The following DGKI variants were observed in gnomAD, a reference collection of about 807,000 sequenced individuals.
The protein encoded by DGKI is diacylglycerol kinase iota, also known as DAG kinase iota.
A neutral mutation model predicts 147.5 loss-of-function variants in DGKI; 55 were observed. The observed-to-expected ratio is 0.37, with a 90% CI of 0.30 to 0.47. DGKI has a LOEUF of 0.47. DGKI is among the 20% of genes least tolerant of loss of function. The pLI is 1.00. For missense variants in DGKI, 1,007 were observed against 1,323.8 expected, an observed-to-expected ratio of 0.76 and a Z score of 3.71; for synonymous variants, 469 against 477.1, an observed-to-expected ratio of 0.98 and a Z score of 0.22.
chr7:137,591,454 A>G (rs1819613199), intron 12 of DGKI, among the ~76,000 whole-genome samples: 1 of 152,090 alleles, frequency 6.6e-6, no homozygotes, highest in South Asian at 2.1e-4. Context: ...AGGTGGGTCT[A>G]TATCGCCCCT....
chr7:137,503,936 G>A (rs1334637769), intron 21 of DGKI, among the ~76,000 whole-genome samples: 1 of 152,108 alleles, frequency 6.6e-6, no homozygotes, highest in African/African-American at 2.4e-5. Flanking sequence ...CAGACTATAT[G>A]TGAGAACATT....
At chr7:137,811,471 T>C (rs1156577928) in intron 1 of DGKI, among the ~76,000 whole-genome samples, 1 of 150,730 alleles carries the variant, frequency 6.6e-6, no homozygotes, top group Non-Finnish European at 1.5e-5. Flanking sequence ...TTTTCTGACC[T>C]CAGGAGACAA....
chr7:137,492,269 A>G (rs1389032209), intron 21 of DGKI, among the ~76,000 whole-genome samples: 1 of 152,242 alleles, frequency 6.6e-6, no homozygotes, highest in Non-Finnish European at 1.5e-5. Context: ...CAAAGATCAA[A>G]ATAAACAGGA....
At chr7:137,711,594 G>A (rs1794214937) in intron 1 of DGKI, among the ~76,000 whole-genome samples, 1 of 150,984 alleles carries the variant, frequency 6.6e-6, no homozygotes, top group Admixed American at 6.6e-5. Flanking sequence ...GAGGGGAAGA[G>A]CACAGAATTT....
chr7:137,450,167 T>C (rs951733363), intron 27 of DGKI, among the ~76,000 whole-genome samples: 1 of 152,094 alleles, frequency 6.6e-6, no homozygotes, highest in Non-Finnish European at 1.5e-5. Context: ...CTCTTCAAAG[T>C]AGACAAAGTT....
intron 28 of DGKI, among the ~76,000 whole-genome samples, chr7:137,439,021 T>C (rs897074416): frequency 3.3e-5 from 5 of 152,152 alleles, no homozygotes; most frequent in African/African-American, 9.7e-5. Flanking sequence ...ATAGTAGTTA[T>C]TTCTGAAGGA....
At chr7:137,774,937 G>C (rs1796319957) in intron 1 of DGKI, 1 of 152,198 alleles carries the variant, frequency 6.6e-6, no homozygotes. Flanking sequence ...TTTCTGAAAA[G>C]ACATGAAAAT....
intron 1 of DGKI, among the ~76,000 whole-genome samples, chr7:137,718,081 C>A (rs1367740932): frequency 6.6e-6 from 1 of 152,078 alleles, no homozygotes; most frequent in Non-Finnish European, 1.5e-5. Context: ...TGGTGCTGCC[C>A]ACTCACAGCA....
chr7:137,817,954 C>T (rs1490425764), intron 1 of DGKI, among the ~76,000 whole-genome samples: 2 of 152,206 alleles, frequency 1.3e-5, no homozygotes, highest in Non-Finnish European at 2.9e-5. Flanking sequence ...ACAACCAGTA[C>T]CAGTTGCTCC....
Position 137,846,209 on chromosome 7 carries a change from A to C in DGKI, c.401+253T>G, listed in dbSNP as rs142710455. 7.0e-6 allele frequency among the ~76,000 whole-genome samples: 1 copy of C among 143,738 alleles called. No individual in the cohort carries two copies. The highest frequency in any genetic ancestry group is 1.5e-5 in the Non-Finnish European group (1 of 66,034). The allele number at this position is 143,738 out of a possible 152,430, so 94.3% of individuals were successfully genotyped here. A position where few individuals can be genotyped will look rare whatever the true frequency, so the allele number is the denominator to read the frequency against. On this transcript the variant is annotated intron_variant, in intron 1 of 32. Coordinates refer to ENST00000614521, the MANE Select transcript of DGKI (RefSeq NM_001321708.2). This position sits in a 1 kb window ranked among gnomAD's most constrained non-coding sequence, Gnocchi z 4.0. ...CACACACACACACACACACAGACAAAATTTCTGTTGCTCTGACCTTAGGGA... is the reference window on the plus strand; with the variant it reads ...CACACACACACACACACACAGACAACATTTCTGTTGCTCTGACCTTAGGGA...
intron 1 of DGKI, among the ~76,000 whole-genome samples, chr7:137,809,887 G>C (rs1797506343): frequency 1.3e-5 from 2 of 151,052 alleles, no homozygotes; most frequent in Admixed American, 1.3e-4. Context: ...CTGAGCAACA[G>C]CGCAAAACCC....
At chr7:137,766,470 T>C (rs1370773052) in intron 1 of DGKI, among the ~76,000 whole-genome samples, 1 of 152,140 alleles carries the variant, frequency 6.6e-6, no homozygotes, top group Non-Finnish European at 1.5e-5. Flanking sequence ...AATTGACAAG[T>C]TATTACTAAC....
At chr7:137,646,366 T>C (rs1303919551) in intron 5 of DGKI, among the ~76,000 whole-genome samples, 1 of 152,214 alleles carries the variant, frequency 6.6e-6, no homozygotes, top group East Asian at 1.9e-4. Context: ...GCAATGGTAT[T>C]GTGTTTAAAC....
At chr7:137,662,970 C>G (rs756366305) in intron 3 of DGKI, among the ~76,000 whole-genome samples, 3 of 152,098 alleles carry the variant, frequency 2.0e-5, no homozygotes, top group Non-Finnish European at 4.4e-5. Context: ...AAGGATACAC[C>G]AAAATACTCA....
chr7:137,403,137 TGA>T (rs1811825804), intron 30 of DGKI, among the ~76,000 whole-genome samples: 1 of 152,082 alleles, frequency 6.6e-6, no homozygotes, highest in Non-Finnish European at 1.5e-5. Flanking sequence ...CGGGAAGCAC[TGA>T]GAGGAATCTC....
chr7:137,593,299 T>C (rs1490714024), intron 12 of DGKI, among the ~76,000 whole-genome samples: 3 of 152,150 alleles, frequency 2.0e-5, no homozygotes, highest in African/African-American at 4.8e-5. Flanking sequence ...AGGAGATCAG[T>C]TCATGTGCTC....
At chr7:137,660,453 T>A (rs1822384484) in intron 3 of DGKI, among the ~76,000 whole-genome samples, 1 of 152,232 alleles carries the variant, frequency 6.6e-6, no homozygotes, top group South Asian at 2.1e-4. Flanking sequence ...CAGGCCCTGC[T>A]GGCATTGAAA....
At chr7:137,422,816 G>A (rs936320581) in intron 28 of DGKI, among the ~76,000 whole-genome samples, 1 of 151,828 alleles carries the variant, frequency 6.6e-6, no homozygotes, top group African/African-American at 2.4e-5. Flanking sequence ...ATGTTAGCCA[G>A]GATGGTCTCG....
intron 22 of DGKI, 73 bp downstream of exon 22, chr7:137,487,537 A>G: frequency 7.5e-7 from 1 of 1,330,072 alleles, no homozygotes; most frequent in South Asian, 1.2e-5. Context: ...TTCAGAAGCA[A>G]ATATATATGG....
Sources: gnomAD v4.1 joint callset for allele counts (sites outside exome capture counted in the v4.1 genomes callset) on GRCh38, gnomAD v4.1.1 for gene constraint, Gnocchi (gnomAD v3.1) non-coding constraint, MANE v1.5 for transcripts, NCBI Gene and HGNC (gene_info 2026-07-23, HGNC 2026-07-21) for gene names.